The following FIBCD1 variants were observed in gnomAD, a reference collection of about 807,000 sequenced individuals.
FIBCD1 encodes the protein fibrinogen C domain containing 1, also known as fibrinogen C domain-containing protein 1.
A neutral mutation model predicts 45.1 loss-of-function variants in FIBCD1; 47 were observed. That is an observed-to-expected ratio of 1.04 (90% CI 0.82 to 1.33). The LOEUF (loss-of-function observed/expected upper bound fraction) is 1.33, where lower values mean the gene tolerates loss of function less well. Ranked by LOEUF, FIBCD1 falls within the 40% of genes most tolerant of loss-of-function variation. The probability of loss-of-function intolerance (pLI) is 0.00; values close to 1 mark genes in which losing one functional copy is unlikely to be tolerated. For synonymous variants in FIBCD1, 313 were observed against 308.1 expected (o/e 1.02, Z -0.17); for missense variants, 653 against 682.2 (o/e 0.96, Z 0.48).
intron 4 of FIBCD1, among the ~76,000 whole-genome samples, chr9:130,915,518 C>G (rs1832142901): frequency 6.6e-6 from 1 of 152,096 alleles, no homozygotes. Flanking sequence ...GCCTGGCCAA[C>G]ACGGTGAAAC....
In FIBCD1 at chr9:130,929,766, GC is replaced by G; in HGVS notation, c.352del (p.Ala118ArgfsTer2). On this transcript the variant is annotated frameshift_variant, in exon 2 of 7. Transcript: ENST00000372338. LOFTEE classifies it high-confidence loss of function. ...LESAQASVLQ[A>X]LTEHQAQPRL... is the part of the protein sequence containing the mutation. ...TGGCTGGGCCTGGTGCTCTGTCAGC[GC>G]CTGCAGCACCGAGGCCTGGGCGCTC... The G allele has an allele frequency of 6.4e-7, 1 of 1,560,390 alleles. No individual in the cohort carries two copies. Among genetic ancestry groups the G allele is most frequent in the Non-Finnish European group, 8.7e-7 (1 of 1,152,448 alleles).
Position 130,924,235 on chromosome 9 carries a change from A to G in FIBCD1, c.712+2T>C. Reference sequence around the variant, plus strand: ...GAGGAAGGCAGGCCCTGCCCCACTCACCAGTGGCACAGCCCCGGGGCCGGG... The same window carrying G: ...GAGGAAGGCAGGCCCTGCCCCACTCGCCAGTGGCACAGCCCCGGGGCCGGG... On this transcript the variant is annotated splice_donor_variant, in intron 3 of 6. Transcript: ENST00000372338. LOFTEE classifies it high-confidence loss of function. The G allele has an allele frequency of 6.3e-7, 1 of 1,586,996 alleles. No individual in the cohort carries two copies. Among genetic ancestry groups the G allele is most frequent in the Non-Finnish European group, 8.6e-7 (1 of 1,168,242 alleles).
Position 130,938,600 on chromosome 9 carries a change from T to C in FIBCD1, c.8A>G (p.Asn3Ser). ...GCCGCCCATGGTCTTCCACCGGTCG[T>C]TGACCATCTTCCGGCAGGACTGGCG... is the stretch of plus-strand genomic sequence containing the variant. MV[N>S]DRWKTMGGAA... The change falls in exon 1 of 7, where the codon AAC (asparagine) becomes AGC (serine). Residue 3 changes from asparagine (N) to serine (S), a missense_variant. Coordinates refer to ENST00000372338, the MANE Select transcript of FIBCD1 (RefSeq NM_032843.5). The C allele has an allele frequency of 6.8e-7, 1 of 1,465,654 alleles. No homozygotes were observed. The highest frequency in any genetic ancestry group is 9.0e-7 in the Non-Finnish European group (1 of 1,110,692). The allele number at this position is 1,465,654 out of a possible 1,614,324, so 90.8% of individuals were successfully genotyped here.
Position 130,929,671 on chromosome 9 carries a change from G to C in FIBCD1, c.448C>G (p.Arg150Gly). 3.7e-6 allele frequency: 6 copies of C among 1,602,284 alleles called. 1 individual carries two copies. In the Middle Eastern group the frequency reaches 1.0e-3, roughly 266 times the overall value. The change falls in exon 2 of 7, where the codon CGA (arginine) becomes GGA (glycine). Residue 150 changes from arginine to glycine, a missense_variant. Transcript: ENST00000372338. Reference protein sequence around the residue: ...LADQLPRLLARASELQTECMG... With the variant: ...LADQLPRLLAGASELQTECMG... ...CACTCCGTCTGCAGCTCTGAGGCTC[G>C]GGCCAGCAGCCGGGGCAGCTGGTCG... is the stretch of plus-strand genomic sequence containing the variant.
chr9:130,933,496 C>A (rs1268544084), intron 1 of FIBCD1, among the ~76,000 whole-genome samples: 1 of 152,198 alleles, frequency 6.6e-6, no homozygotes, highest in African/African-American at 2.4e-5. Context: ...CTGCCACTGA[C>A]CACTCGCATG....
chr9:130,924,089 G>T (rs1297844172), intron 3 of FIBCD1, 148 bp downstream of exon 3: 3 of 1,278,254 alleles, frequency 2.3e-6, no homozygotes, highest in Non-Finnish European at 3.2e-6. Flanking sequence ...CTCATCTGGA[G>T]AATGGACCGA....
In FIBCD1 at chr9:130,926,211, C is replaced by G. The variant is rs1016299165; in HGVS notation, c.553-1815G>C. 6.6e-6 allele frequency among the ~76,000 whole-genome samples: 1 copy of G among 152,336 alleles called. No individual in the cohort carries two copies. The highest frequency in any genetic ancestry group is 1.5e-5 in the Non-Finnish European group (1 of 68,040). ...ACTTGGTTAAGTCACACTGGTACTG[C>G]CCATTTATCTGAGTCAACACGGCCA... On this transcript the variant is annotated intron_variant, in intron 2 of 6. Coordinates refer to ENST00000372338, the MANE Select transcript of FIBCD1 (RefSeq NM_032843.5). This position sits in a 1 kb window ranked among gnomAD's most constrained non-coding sequence, Gnocchi z 4.1.
chr9:130,937,616 T>C (rs1218154771), intron 1 of FIBCD1, among the ~76,000 whole-genome samples: 1 of 152,214 alleles, frequency 6.6e-6, no homozygotes, highest in Non-Finnish European at 1.5e-5. Flanking sequence ...GACATCTGTC[T>C]GGAAGAAATT....
intron 1 of FIBCD1, chr9:130,930,706 A>G (rs1832436229): frequency 2.9e-5 from 13 of 454,074 alleles, no homozygotes; most frequent in Non-Finnish European, 5.3e-5. Context: ...CTCTGCAGCC[A>G]GACGGGACAG....
At position 130,904,334 on chromosome 9, in the gene FIBCD1, G is replaced by C; in HGVS notation, c.1127-11C>G. 6.3e-7 allele frequency: 1 copy of C among 1,594,976 alleles called. No individual in the cohort carries two copies. Among genetic ancestry groups the C allele is most frequent in the East Asian group, 2.2e-5 (1 of 44,514 alleles). ...TCAGGAGGGAGTCGCCTGCGCAGGG[G>C]TGCACACAGGTGTGGGCACGGGGGG... On this transcript the variant is annotated splice_polypyrimidine_tract_variant and intron_variant, in intron 6 of 6. Coordinates refer to ENST00000372338, the MANE Select transcript of FIBCD1 (RefSeq NM_032843.5).
chr9:130,931,451 G>T (rs1308380391), intron 1 of FIBCD1, among the ~76,000 whole-genome samples: 1 of 152,226 alleles, frequency 6.6e-6, no homozygotes, highest in African/African-American at 2.4e-5. Context: ...GGAGGTTACA[G>T]TGAGCCAAGA....
intron 4 of FIBCD1, among the ~76,000 whole-genome samples, chr9:130,921,428 G>T (rs1030983529): frequency 6.6e-6 from 1 of 152,242 alleles, no homozygotes; most frequent in Admixed American, 6.5e-5. Context: ...AGGCCCAAAT[G>T]GATATTAATG....
chr9:130,928,142 C>A (rs1832388014), intron 2 of FIBCD1, among the ~76,000 whole-genome samples: 1 of 152,238 alleles, frequency 6.6e-6, no homozygotes, highest in Non-Finnish European at 1.5e-5. Context: ...CTTGAATCAT[C>A]CAGTCTGTGG....
chr9:130,938,422 C>T, intron 1 of FIBCD1, 114 bp downstream of exon 1: 1 of 900,250 alleles, frequency 1.1e-6, no homozygotes, highest in East Asian at 3.5e-5. Flanking sequence ...CCTCCGGAGC[C>T]TCGAAGGGGT....
upstream of FIBCD1, among the ~76,000 whole-genome samples, chr9:130,939,674 C>G (rs1832585922): frequency 6.6e-6 from 1 of 151,922 alleles, no homozygotes; most frequent in South Asian, 2.1e-4. Flanking sequence ...GCCGATCGCC[C>G]GCGCTCCCCG....
chr9:130,919,732 G>A (rs543464290), intron 4 of FIBCD1, among the ~76,000 whole-genome samples: 91 of 152,362 alleles, frequency 6.0e-4, no homozygotes, highest in African/African-American at 1.5e-3. Context: ...GCAAAGAACA[G>A]GGTTTGGGCC....
chr9:130,909,747 G>T (rs976866893), intron 5 of FIBCD1, among the ~76,000 whole-genome samples: 1 of 146,494 alleles, frequency 6.8e-6, no homozygotes, highest in Non-Finnish European at 1.5e-5. Context: ...ATTTTGTTTA[G>T]ATAGTGAAAT....
intron 1 of FIBCD1, among the ~76,000 whole-genome samples, chr9:130,935,064 T>C (rs529872769): frequency 1.3e-5 from 2 of 152,180 alleles, no homozygotes; most frequent in African/African-American, 4.8e-5. Context: ...CACCAGACTA[T>C]ACCTCCTAGC....
chr9:130,917,230 G>A (rs1832178500), intron 4 of FIBCD1, among the ~76,000 whole-genome samples: 1 of 152,248 alleles, frequency 6.6e-6, no homozygotes, highest in African/African-American at 2.4e-5. Context: ...GCTGGAAAAC[G>A]ATTGAGTAGA....
Sources: allele counts gnomAD v4.1 joint callset (sites outside exome capture counted in the v4.1 genomes callset), GRCh38; gene constraint gnomAD v4.1.1; non-coding constraint Gnocchi (gnomAD v3.1); transcripts MANE v1.5; gene names NCBI Gene and HGNC (gene_info 2026-07-23, HGNC 2026-07-21).